The following PIKFYVE variants were observed in gnomAD, a reference collection of about 807,000 sequenced individuals.
PIKFYVE encodes phosphoinositide kinase, FYVE-type zinc finger containing, also known as 1-phosphatidylinositol 3-phosphate 5-kinase.
A neutral mutation model predicts 257.9 loss-of-function variants in PIKFYVE; 122 were observed. The ratio of observed to expected loss-of-function variants is 0.47; its 90% CI spans 0.41 to 0.55. The LOEUF (loss-of-function observed/expected upper bound fraction) is 0.55, where lower values mean the gene tolerates loss of function less well. Among genes scored for constraint, PIKFYVE ranks in the 20% least tolerant of loss-of-function variants. The pLI, the probability that PIKFYVE is intolerant of heterozygous loss-of-function variation, is 0.00. For missense variants in PIKFYVE, 2,160 were observed against 2,536.6 expected (o/e 0.85, Z 3.19); for synonymous variants, 892 against 868.9 (o/e 1.03, Z -0.47).
intron 27 of PIKFYVE, 110 bp from the exon 28 acceptor site, chr2:208,336,728 C>G (rs569530833): frequency 1.5e-6 from 1 of 681,872 alleles, no homozygotes; most frequent in Non-Finnish European, 2.6e-6. Context: ...TATGGTAATC[C>G]AAATAGGAAA....
Position 208,356,543 on chromosome 2 carries a change from A to G in PIKFYVE, c.*1238A>G, listed in dbSNP as rs1364832178. 1 of 152,488 alleles carries G rather than the reference A, an allele frequency of 6.6e-6. No individual in the cohort carries two copies. Among genetic ancestry groups the G allele is most frequent in the Non-Finnish European group, 1.5e-5 (1 of 68,094 alleles). The allele number at this position is 152,488 out of a possible 1,614,324, so 9.4% of individuals were successfully genotyped here. ...GTGGCATATACCTGTAACCCCAACT[A>G]CTTGGGTGGCTGAGGCAGGAGAATT... On this transcript the variant is annotated 3_prime_UTR_variant, in exon 42 of 42. Transcript: ENST00000264380.
At chr2:208,319,153 G>C (rs1695912134) in intron 16 of PIKFYVE, among the ~76,000 whole-genome samples, 1 of 152,144 alleles carries the variant, frequency 6.6e-6, no homozygotes, top group Non-Finnish European at 1.5e-5. Context: ...AGCTGAGGCA[G>C]ATTTCTAGCC....
intron 2 of PIKFYVE, among the ~76,000 whole-genome samples, chr2:208,272,349 T>C (rs1410055827): frequency 6.6e-6 from 1 of 152,196 alleles, no homozygotes; most frequent in Admixed American, 6.5e-5. Context: ...AGTTAGTCCA[T>C]AGAATGGACT....
chr2:208,352,344 T>A lies in PIKFYVE; in HGVS notation c.5716-310T>A, dbSNP rs545229909. Among the ~76,000 whole-genome samples the A allele has an allele frequency of 2.0e-5, 3 of 151,822 alleles. No individual in the cohort carries two copies. In the East Asian group the frequency reaches 5.8e-4, roughly 29 times the overall value. On this transcript the variant is annotated intron_variant, in intron 38 of 41. Coordinates refer to ENST00000264380, the MANE Select transcript of PIKFYVE (RefSeq NM_015040.4). ...TTAGAATCATGAAAGAGTTACATAGTTTTGGGTTTTTTTTTTGAAGTTATC... is the reference window on the plus strand; with the variant it reads ...TTAGAATCATGAAAGAGTTACATAGATTTGGGTTTTTTTTTTGAAGTTATC...
chr2:208,306,631 A>C (rs1694345483), intron 12 of PIKFYVE, among the ~76,000 whole-genome samples: 3 of 152,192 alleles, frequency 2.0e-5, no homozygotes, highest in South Asian at 4.1e-4. Flanking sequence ...CTAACTTGAG[A>C]ACATTCGGAG....
Position 208,325,019 on chromosome 2 carries a change from A to T in PIKFYVE, c.2440A>T (p.Ile814Leu), listed in dbSNP as rs758236002. The change falls in exon 19 of 42, where the codon ATA becomes TTA. Residue 814 changes from isoleucine to leucine, a missense_variant. Ile to Leu is a conservative substitution (Grantham distance 5, BLOSUM62 2). This residue lies in a region of PIKFYVE where 522 missense variants were observed against 514.6 expected (regional missense o/e 1.01). Transcript: ENST00000264380. ...CACTTGTCACAAATTTTATATGCAG[A>T]TATTTCAGTTGCCTAATGGTGAGTG... ...LGTCHKFYMQ[I>L]FQLPNEQTKT... is the part of the protein sequence containing the mutation. 4.3e-6 allele frequency: 7 copies of T among 1,614,012 alleles called. No homozygotes were observed. In the East Asian group the frequency reaches 1.6e-4, roughly 36 times the overall value.
chr2:208,339,958 ACTT>A, intron 30 of PIKFYVE, 50 bp from the exon 31 acceptor site: 1 of 1,580,590 alleles, frequency 6.3e-7, no homozygotes, highest in Admixed American at 1.7e-5. Context: ...AGCAGTTTAT[ACTT>A]CTTATTCTCT....
chr2:208,280,476 A>G (rs1038562645), intron 5 of PIKFYVE, among the ~76,000 whole-genome samples: 1 of 152,210 alleles, frequency 6.6e-6, no homozygotes, highest in Admixed American at 6.5e-5. Flanking sequence ...TCCTGGAATT[A>G]GTGTCAGTTG....
intron 34 of PIKFYVE, among the ~76,000 whole-genome samples, chr2:208,347,337 C>CT (rs1220878215): frequency 6.6e-6 from 1 of 152,092 alleles, no homozygotes; most frequent in African/African-American, 2.4e-5. Context: ...GTTTGATGGC[C>CT]TTTTTTATTT....
At chr2:208,333,081 A>C in intron 23 of PIKFYVE, among the ~76,000 whole-genome samples, 1 of 151,956 alleles carries the variant, frequency 6.6e-6, no homozygotes, top group East Asian at 1.9e-4. Context: ...AAAAATACAA[A>C]AAATTAGCCG....
chr2:208,319,832 C>A (rs763938914), intron 16 of PIKFYVE, among the ~76,000 whole-genome samples: 1 of 152,002 alleles, frequency 6.6e-6, no homozygotes, highest in Non-Finnish European at 1.5e-5. Flanking sequence ...CATTTTAATT[C>A]TTTTCTCCCT....
intron 23 of PIKFYVE, 54 bp downstream of exon 23, chr2:208,330,748 G>T (rs972532387): frequency 1.2e-4 from 140 of 1,203,160 alleles, no homozygotes; most frequent in Middle Eastern, 2.8e-4. Context: ...TTATTTGTAT[G>T]TTTTTTTTTT....
At chr2:208,352,285 C>T (rs1468715318) in intron 38 of PIKFYVE, among the ~76,000 whole-genome samples, 1 of 152,042 alleles carries the variant, frequency 6.6e-6, no homozygotes, top group Non-Finnish European at 1.5e-5. Context: ...ATTGAGCAGC[C>T]ACCAGTGCCC....
At chr2:208,337,013 T>TACAGCAGGG in intron 28 of PIKFYVE, 85 bp downstream of exon 28, 1 of 1,085,856 alleles carries the variant, frequency 9.2e-7, no homozygotes, top group Non-Finnish European at 1.4e-6. Flanking sequence ...GATAGTTTAA[T>TACAGCAGGG]ATGTACTTTA....
At chr2:208,319,785 T>C (rs930106262) in intron 16 of PIKFYVE, among the ~76,000 whole-genome samples, 1 of 152,226 alleles carries the variant, frequency 6.6e-6, no homozygotes, top group Non-Finnish European at 1.5e-5. Context: ...TTAATGATTG[T>C]TTGGAAATTT....
intron 1 of PIKFYVE, chr2:208,269,412 C>A: frequency 4.2e-6 from 1 of 238,510 alleles, no homozygotes. Context: ...GAACAGTCTC[C>A]ATCTCCTCCT....
intron 21 of PIKFYVE, among the ~76,000 whole-genome samples, chr2:208,329,045 T>A (rs1697236257): frequency 6.6e-6 from 1 of 152,244 alleles, no homozygotes; most frequent in Non-Finnish European, 1.5e-5. Context: ...CTTAAGTAGA[T>A]TGATAGAAAC....
At chr2:208,314,518 T>C in intron 14 of PIKFYVE, 95 bp downstream of exon 14, 2 of 1,346,424 alleles carry the variant, frequency 1.5e-6, no homozygotes, top group Non-Finnish European at 2.0e-6. Context: ...AAGGGAGGTC[T>C]TTTTCTTTTT....
intron 6 of PIKFYVE, among the ~76,000 whole-genome samples, chr2:208,286,603 C>G (rs1479226234): frequency 6.6e-6 from 1 of 151,948 alleles, no homozygotes; most frequent in Admixed American, 6.6e-5. Flanking sequence ...GTGGCGTGAT[C>G]ATAGCTCAGG....
Sources: allele counts gnomAD v4.1 joint callset (sites outside exome capture counted in the v4.1 genomes callset), GRCh38; gene constraint gnomAD v4.1.1; regional missense constraint gnomAD v4.1.1; transcripts MANE v1.5; gene names NCBI Gene and HGNC (gene_info 2026-07-23, HGNC 2026-07-21).